IQCJ: variants seen among roughly 807,000 people sequenced by gnomAD.
IQCJ encodes the protein IQ domain-containing protein J.
A neutral mutation model predicts 11.0 loss-of-function variants in IQCJ; 9 were observed. That is an observed-to-expected ratio of 0.82 (90% confidence interval 0.49 to 1.43). The LOEUF is 1.43. IQCJ is among the 40% of genes most tolerant of loss of function. The probability of loss-of-function intolerance (pLI) is 0.00; values close to 1 mark genes in which losing one functional copy is unlikely to be tolerated. For synonymous variants in IQCJ, 55 were observed against 51.3 expected, an observed-to-expected ratio of 1.07 and a Z score of -0.31; for missense variants, 146 against 133.2, an observed-to-expected ratio of 1.10 and a Z score of -0.47.
intron 1 of IQCJ, among the ~76,000 whole-genome samples, chr3:159,233,129 T>C (rs1420350316): frequency 1.3e-5 from 2 of 152,222 alleles, no homozygotes; most frequent in Non-Finnish European, 2.9e-5. Flanking sequence ...ACATCTGGAC[T>C]GAGTCATCCC....
chr3:159,225,473 C>A (rs993301423), intron 1 of IQCJ, among the ~76,000 whole-genome samples: 1 of 151,656 alleles, frequency 6.6e-6, no homozygotes, highest in African/African-American at 2.4e-5. Context: ...TAGTTGTTAG[C>A]CAAAGATATG....
At chr3:159,164,725 G>A (rs1313666095) in intron 1 of IQCJ, among the ~76,000 whole-genome samples, 5 of 152,122 alleles carry the variant, frequency 3.3e-5, no homozygotes, top group Admixed American at 2.6e-4. Context: ...CCGAGATCAC[G>A]CCATTGCACT....
chr3:159,243,573 A>G (rs1360608000), intron 1 of IQCJ, among the ~76,000 whole-genome samples: 1 of 152,238 alleles, frequency 6.6e-6, no homozygotes, highest in African/African-American at 2.4e-5. Flanking sequence ...TAATCTACAC[A>G]GATAGAAATC....
Position 159,069,444 on chromosome 3 carries a change from A to G in IQCJ, c.9+3A>G. On this transcript the variant is annotated splice_donor_region_variant and intron_variant, in intron 1 of 3. Transcript: ENST00000397832. ...CCAGAAACTTCAAAATGCGTCTGGT[A>G]ATGTATTTGCTTTTCTAAACGTGCC... is the stretch of plus-strand genomic sequence containing the variant. 1.9e-6 allele frequency: 3 copies of G among 1,608,458 alleles called. No individual in the cohort carries two copies. The highest frequency in any genetic ancestry group is 2.2e-5 in the South Asian group (2 of 90,118).
chr3:159,159,444 G>A (rs1352634866), intron 1 of IQCJ, among the ~76,000 whole-genome samples: 5 of 152,082 alleles, frequency 3.3e-5, no homozygotes, highest in Admixed American at 6.6e-5. Flanking sequence ...AAATACCAGC[G>A]CATCAAGCAC....
chr3:159,233,249 A>G (rs539977661), intron 1 of IQCJ, among the ~76,000 whole-genome samples: 7 of 152,240 alleles, frequency 4.6e-5, no homozygotes, highest in South Asian at 4.1e-4. Context: ...AGAACTTGGT[A>G]TGAAGTCCTG....
At chr3:159,122,733 C>T (rs1719449284) in intron 1 of IQCJ, among the ~76,000 whole-genome samples, 1 of 152,014 alleles carries the variant, frequency 6.6e-6, no homozygotes, top group Non-Finnish European at 1.5e-5. Flanking sequence ...ATGTCTTATT[C>T]TACAAAAGCC....
intron 1 of IQCJ, among the ~76,000 whole-genome samples, chr3:159,231,047 G>C (rs1169858526): frequency 6.6e-6 from 1 of 152,188 alleles, no homozygotes; most frequent in Non-Finnish European, 1.5e-5. Context: ...CTGACCACAA[G>C]CTCCACATAC....
At chr3:159,156,761 T>C (rs1721543755) in intron 1 of IQCJ, among the ~76,000 whole-genome samples, 1 of 152,146 alleles carries the variant, frequency 6.6e-6, no homozygotes, top group Non-Finnish European at 1.5e-5. Flanking sequence ...CATAAAATTT[T>C]CTTTAGAAGA....
chr3:159,262,842 T>C lies in IQCJ; in HGVS notation c.*111T>C. ...ACCCAGGAACCCATGGTGAGAGTTT[T>C]GTCACCTCAAAATAAAGACACAATT... On this transcript the variant is annotated 3_prime_UTR_variant, in exon 4 of 4. Coordinates refer to ENST00000397832, the MANE Select transcript of IQCJ (RefSeq NM_001042706.3). 8 of 1,440,814 alleles carry C rather than the reference T, an allele frequency of 5.6e-6. No individual in the cohort carries two copies. The highest frequency in any genetic ancestry group is 7.3e-6 in the Non-Finnish European group (8 of 1,091,010). The allele number at this position is 1,440,814 out of a possible 1,614,324, so 89.3% of individuals were successfully genotyped here.
intron 2 of IQCJ, among the ~76,000 whole-genome samples, chr3:159,249,184 GT>G (rs946157795): frequency 2.6e-5 from 4 of 151,934 alleles, no homozygotes; most frequent in Admixed American, 2.0e-4. Flanking sequence ...AGGAAATGAA[GT>G]TTTTTTTGTT....
chr3:159,150,376 G>A (rs776641354), intron 1 of IQCJ, among the ~76,000 whole-genome samples: 22 of 152,096 alleles, frequency 1.4e-4, no homozygotes, highest in East Asian at 3.9e-4. Context: ...TATGTCTTCC[G>A]GTTCCCATTT....
chr3:159,243,287 A>G (rs1432063974), intron 1 of IQCJ, among the ~76,000 whole-genome samples: 2 of 152,000 alleles, frequency 1.3e-5, no homozygotes, highest in Non-Finnish European at 2.9e-5. Context: ...ACACTTGCAC[A>G]ACAGACTTGT....
intron 1 of IQCJ, among the ~76,000 whole-genome samples, chr3:159,085,429 A>C (rs1029147804): frequency 1.3e-5 from 2 of 152,028 alleles, no homozygotes; most frequent in Non-Finnish European, 2.9e-5. Context: ...TTGGGTATAT[A>C]CCCAGTAATG....
chr3:159,072,008 TTAAG>T (rs1033183702), intron 1 of IQCJ, among the ~76,000 whole-genome samples: 1 of 152,092 alleles, frequency 6.6e-6, no homozygotes, highest in Admixed American at 6.6e-5. Flanking sequence ...TATTCATCCT[TTAAG>T]TAAGCATTTA....
rs10561081 is a variant in IQCJ, at chr3:159,144,661, GACACACACAC to G, written c.9+75240_9+75249del. Among the ~76,000 whole-genome samples the G allele has an allele frequency of 3.2e-3, 484 of 150,334 alleles. 5 individuals carry two copies. Among genetic ancestry groups the G allele is most frequent in the African/African-American group, 0.011 (439 of 40,986 alleles). ...AGACGTACACACACATACACACACA[GACACACACAC>G]ACACACACACACACACACAGAGTTC... is the stretch of plus-strand genomic sequence containing the variant. On this transcript the variant is annotated intron_variant, in intron 1 of 3. Transcript: ENST00000397832.
intron 1 of IQCJ, among the ~76,000 whole-genome samples, chr3:159,178,612 T>C (rs546952704): frequency 6.6e-6 from 1 of 152,312 alleles, no homozygotes; most frequent in African/African-American, 2.4e-5. Flanking sequence ...CACCCTTGCG[T>C]TGTATGCTTT....
At chr3:159,118,896 C>T (rs1279097971) in intron 1 of IQCJ, among the ~76,000 whole-genome samples, 3 of 152,142 alleles carry the variant, frequency 2.0e-5, no homozygotes, top group South Asian at 2.1e-4. Context: ...TCAGGAAAAG[C>T]GACCAGACAA....
intron 1 of IQCJ, among the ~76,000 whole-genome samples, chr3:159,165,157 C>T (rs990893380): frequency 6.6e-6 from 1 of 152,226 alleles, no homozygotes; most frequent in African/African-American, 2.4e-5. Context: ...CTTTGCTACA[C>T]AAACTACTTA....
Sources: allele counts gnomAD v4.1 joint callset (sites outside exome capture counted in the v4.1 genomes callset), GRCh38; gene constraint gnomAD v4.1.1; transcripts MANE v1.5; gene names NCBI Gene and HGNC (gene_info 2026-07-23, HGNC 2026-07-21).